Variants in SERINC5 observed in about 807,000 individuals in gnomAD.
SERINC5 encodes chromosome 5 open reading frame 12.
A neutral mutation model predicts 63.1 loss-of-function variants in SERINC5; 41 were observed. That is an observed-to-expected ratio of 0.65 (90% CI 0.51 to 0.84). The LOEUF (loss-of-function observed/expected upper bound fraction) is 0.84. Among genes scored for constraint, SERINC5 ranks in the 40% least tolerant of loss-of-function variants. The pLI is 0.00. For missense variants in SERINC5, 523 were observed against 573.0 expected, an observed-to-expected ratio of 0.91 and a Z score of 0.89; for synonymous variants, 222 against 215.2, an observed-to-expected ratio of 1.03 and a Z score of -0.28.
In SERINC5 at chr5:80,142,319, C is replaced by A. The variant is rs151169770; in HGVS notation, c.*1344G>T. ...CGTGATCTCGGCTCACTGCAACCTC[C>A]GCCTCCCGGGTTCAAGTGATTCTCA... On this transcript the variant is annotated 3_prime_UTR_variant, in exon 12 of 12. Transcript: ENST00000507668. 1.3e-4 allele frequency: 131 copies of A among 973,546 alleles called. 1 individual carries two copies. The East Asian group carries it at 0.013, about 96-fold the overall frequency. 60.3% of individuals were successfully genotyped at this position (973,546 alleles called of 1,614,324 possible).
intron 1 of SERINC5, among the ~76,000 whole-genome samples, chr5:80,232,407 GAAA>G (rs70982043): frequency 1.2e-4 from 13 of 110,352 alleles, no homozygotes; most frequent in Non-Finnish European, 1.6e-4. Flanking sequence ...CTGTCTCAAA[GAAA>G]AAAAAAAAAA....
chr5:80,193,093 G>A (rs1749294555), intron 2 of SERINC5, among the ~76,000 whole-genome samples: 1 of 152,188 alleles, frequency 6.6e-6, no homozygotes, highest in Non-Finnish European at 1.5e-5. Context: ...CTTTCAGAGT[G>A]CTCGCCACTT....
chr5:80,255,747 TGA>T, intron 1 of SERINC5, 147 bp downstream of exon 1: 1 of 631,530 alleles, frequency 1.6e-6, no homozygotes, highest in Non-Finnish European at 2.6e-6. Flanking sequence ...CCCGGACGGC[TGA>T]GCGCCGCGGG....
intron 9 of SERINC5, among the ~76,000 whole-genome samples, chr5:80,150,435 T>C (rs1746101405): frequency 6.6e-6 from 1 of 152,226 alleles, no homozygotes; most frequent in African/African-American, 2.4e-5. Context: ...TTTATTTTTC[T>C]TTTTTATTTT....
intron 1 of SERINC5, among the ~76,000 whole-genome samples, chr5:80,245,039 T>C (rs1752110385): frequency 1.3e-5 from 2 of 152,274 alleles, no homozygotes; most frequent in African/African-American, 4.8e-5. Context: ...CCAGGCCAGT[T>C]GGCTCCACAC....
intron 1 of SERINC5, among the ~76,000 whole-genome samples, chr5:80,241,532 T>C (rs1398519568): frequency 6.6e-6 from 1 of 151,724 alleles, no homozygotes; most frequent in Non-Finnish European, 1.5e-5. Context: ...CAATTAGCCC[T>C]CTCCTCAAAA....
At chr5:80,115,123 G>T (rs947880880) in intron 11 of SERINC5, among the ~76,000 whole-genome samples, 1 of 151,964 alleles carries the variant, frequency 6.6e-6, no homozygotes, top group Non-Finnish European at 1.5e-5. Flanking sequence ...TCCCAGAAAT[G>T]ACATTCAACT....
At chr5:80,177,864 C>T (rs537089793) in intron 3 of SERINC5, 22 bp downstream of exon 3, 1 of 1,580,874 alleles carries the variant, frequency 6.3e-7, no homozygotes, top group Admixed American at 1.8e-5. Flanking sequence ...AAAGCAATCC[C>T]CAAGAAGACT....
intron 8 of SERINC5, among the ~76,000 whole-genome samples, chr5:80,154,810 TA>T (rs1349564269): frequency 6.6e-6 from 1 of 152,170 alleles, no homozygotes; most frequent in African/African-American, 2.4e-5. Context: ...GGTTCAATAT[TA>T]AGAATTATTT....
chr5:80,237,319 G>C (rs576070714), intron 1 of SERINC5, among the ~76,000 whole-genome samples: 1 of 150,130 alleles, frequency 6.7e-6, no homozygotes, highest in South Asian at 2.1e-4. Flanking sequence ...GAAATGCTAA[G>C]AAGAGAAGAA....
chr5:80,184,565 T>TG (rs1748683239), intron 2 of SERINC5, among the ~76,000 whole-genome samples: 4 of 152,182 alleles, frequency 2.6e-5, no homozygotes, highest in African/African-American at 9.7e-5. Flanking sequence ...ACAACCCCCC[T>TG]GCTCCAAATC....
intron 2 of SERINC5, among the ~76,000 whole-genome samples, chr5:80,197,363 G>C (rs1022145671): frequency 1.5e-4 from 11 of 75,442 alleles, no homozygotes; most frequent in African/African-American, 5.4e-4. Context: ...GAGAGAGAGA[G>C]AACGGACCAG....
intron 1 of SERINC5, among the ~76,000 whole-genome samples, chr5:80,214,805 G>C (rs1750592135): frequency 6.6e-6 from 1 of 152,166 alleles, no homozygotes; most frequent in Non-Finnish European, 1.5e-5. Context: ...GCTGAGGCAG[G>C]AGAATTGCTT....
downstream of SERINC5, among the ~76,000 whole-genome samples, chr5:80,137,162 A>C (rs1370572428): frequency 1.5e-4 from 16 of 107,652 alleles, no homozygotes; most frequent in Non-Finnish European, 4.2e-5. Flanking sequence ...AAAAAAAAAA[A>C]ACAAAAAAAA....
intron 4 of SERINC5, 140 bp from the exon 5 acceptor site, chr5:80,175,187 A>G: frequency 1.7e-6 from 1 of 581,294 alleles, no homozygotes; most frequent in Non-Finnish European, 3.1e-6. Flanking sequence ...ATGTATTACT[A>G]TTATAAATGT....
chr5:80,174,369 A>AAGTAATAATAAT (rs1554064067), intron 5 of SERINC5, among the ~76,000 whole-genome samples: 2 of 131,718 alleles, frequency 1.5e-5, no homozygotes, highest in Non-Finnish European at 3.1e-5. Context: ...CCCATCTCAA[A>AAGTAATAATAAT]AATAATAATA....
At chr5:80,254,791 G>A (rs1268150384) in intron 1 of SERINC5, among the ~76,000 whole-genome samples, 1 of 152,188 alleles carries the variant, frequency 6.6e-6, no homozygotes, top group Admixed American at 6.5e-5. Context: ...TTTAATGTAT[G>A]CCAAGCACAG....
At chr5:80,147,352 G>A in intron 9 of SERINC5, 68 bp from the exon 10 acceptor site, 8 of 1,506,194 alleles carry the variant, frequency 5.3e-6, no homozygotes, top group Non-Finnish European at 7.3e-6. Flanking sequence ...CAAGACAACA[G>A]TAACCCTTAT....
chr5:80,237,090 G>A (rs147675734), intron 1 of SERINC5, among the ~76,000 whole-genome samples: 1,800 of 152,048 alleles, frequency 0.012, 32 homozygotes, highest in African/African-American at 0.039. Flanking sequence ...GCCTCCCAAA[G>A]TGCTGGGATT....
Sources: gnomAD v4.1 joint callset for allele counts (sites outside exome capture counted in the v4.1 genomes callset) on GRCh38, gnomAD v4.1.1 for gene constraint, MANE v1.5 for transcripts, NCBI Gene and HGNC (gene_info 2026-07-23, HGNC 2026-07-21) for gene names.